CNOT6L: variants seen among roughly 807,000 people sequenced by gnomAD.
The protein encoded by CNOT6L is CCR4-NOT transcription complex subunit 6 like.
CNOT6L carries 7 observed loss-of-function variants against 64.0 expected under a neutral mutation model. The ratio of observed to expected loss-of-function variants is 0.11; its 90% CI spans 0.06 to 0.21. CNOT6L has a LOEUF of 0.21. Ranked by LOEUF, CNOT6L falls within the 10% of genes least tolerant of loss-of-function variation. The pLI is 1.00. For missense variants in CNOT6L, 245 were observed against 669.0 expected (o/e 0.37, Z 6.99); for synonymous variants, 193 against 243.4 (o/e 0.79, Z 1.93).
At chr4:77,810,645 G>C (rs528259583) in intron 1 of CNOT6L, among the ~76,000 whole-genome samples, 8 of 151,910 alleles carry the variant, frequency 5.3e-5, no homozygotes, top group Non-Finnish European at 8.8e-5. Flanking sequence ...CTTTGCATTT[G>C]GAACATTCAA....
At position 77,718,137 on chromosome 4, in the gene CNOT6L, A is replaced by G. The variant is rs1439229698; in HGVS notation, c.*2294T>C. On this transcript the variant is annotated 3_prime_UTR_variant, in exon 12 of 12. Coordinates refer to ENST00000504123, the MANE Select transcript of CNOT6L (RefSeq NM_144571.3). ...ATATACAATCATAAGTGAACTTTAAATTCCATTTTATACAAACATCTCAAA... is the reference window on the plus strand; with the variant it reads ...ATATACAATCATAAGTGAACTTTAAGTTCCATTTTATACAAACATCTCAAA... 6.6e-6 allele frequency: 1 copy of G among 152,520 alleles called. No homozygotes were observed. Among genetic ancestry groups the G allele is most frequent in the Non-Finnish European group, 1.5e-5 (1 of 68,010 alleles). 9.4% of individuals were successfully genotyped at this position (152,520 alleles called of 1,614,324 possible).
At chr4:77,720,951 A>G (rs1004076824) in intron 11 of CNOT6L, among the ~76,000 whole-genome samples, 4 of 152,228 alleles carry the variant, frequency 2.6e-5, no homozygotes, top group African/African-American at 9.6e-5. Flanking sequence ...GTGAAATCCA[A>G]CATATCAGTA....
In CNOT6L at chr4:77,718,832, A is replaced by C. The variant is rs547751487; in HGVS notation, c.*1599T>G. On this transcript the variant is annotated 3_prime_UTR_variant, in exon 12 of 12. Transcript: ENST00000504123. ...AGATGTCAGGTTTGAAAGAGGAGACAAATTGTGTATATTTAAAACTAATTA... is the reference window on the plus strand; with the variant it reads ...AGATGTCAGGTTTGAAAGAGGAGACCAATTGTGTATATTTAAAACTAATTA... The C allele has an allele frequency of 2.5e-4, 38 of 152,758 alleles. No individual in the cohort carries two copies. The highest frequency in any genetic ancestry group is 8.9e-4 in the African/African-American group (37 of 41,590). 9.5% of individuals were successfully genotyped at this position (152,758 alleles called of 1,614,324 possible).
intron 1 of CNOT6L, among the ~76,000 whole-genome samples, chr4:77,818,195 G>A (rs948466477): frequency 1.3e-4 from 20 of 152,154 alleles, no homozygotes; most frequent in African/African-American, 4.6e-4. Context: ...TGTACAAACG[G>A]CTCAGCTAAA....
At chr4:77,815,507 A>C (rs1374511593) in intron 1 of CNOT6L, among the ~76,000 whole-genome samples, 1 of 152,162 alleles carries the variant, frequency 6.6e-6, no homozygotes, top group Non-Finnish European at 1.5e-5. Flanking sequence ...TGAAGATGGA[A>C]AGCAATTCCT....
intron 5 of CNOT6L, among the ~76,000 whole-genome samples, chr4:77,750,261 T>TTTAA (rs1724709716): frequency 6.6e-6 from 1 of 152,186 alleles, no homozygotes; most frequent in South Asian, 2.1e-4. Context: ...GGACTGTGAT[T>TTTAA]AAAAGTAATG....
intron 8 of CNOT6L, among the ~76,000 whole-genome samples, chr4:77,740,934 C>A (rs1018109560): frequency 3.9e-5 from 6 of 152,168 alleles, no homozygotes; most frequent in African/African-American, 1.4e-4. Context: ...GAACAACAGG[C>A]TATACCTTAT....
At chr4:77,763,040 A>C (rs1726418042) in intron 4 of CNOT6L, among the ~76,000 whole-genome samples, 1 of 152,150 alleles carries the variant, frequency 6.6e-6, no homozygotes, top group African/African-American at 2.4e-5. Context: ...CTAGAAACAG[A>C]ATAGAGCAAT....
At chr4:77,745,660 C>A (rs1033720416) in intron 6 of CNOT6L, among the ~76,000 whole-genome samples, 1 of 152,170 alleles carries the variant, frequency 6.6e-6, no homozygotes, top group African/African-American at 2.4e-5. Context: ...TCCATCTTGG[C>A]TGCCTAGTAG....
chr4:77,792,177 A>C (rs756577647), intron 1 of CNOT6L, among the ~76,000 whole-genome samples: 1 of 152,206 alleles, frequency 6.6e-6, no homozygotes, highest in Non-Finnish European at 1.5e-5. Flanking sequence ...TTAGTAAGTA[A>C]GCTATGTCTC....
Position 77,818,863 on chromosome 4 carries a change from G to T in CNOT6L, c.5+441C>A, listed in dbSNP as rs967956554. On this transcript the variant is annotated intron_variant, in intron 1 of 11. Coordinates refer to ENST00000504123, the MANE Select transcript of CNOT6L (RefSeq NM_144571.3). ...TTCCTGCCGCGGCCGGGGAACGGCG[G>T]CCCCGGGATCAGCGGCGCGGCACCG... 3.0e-4 allele frequency: 83 copies of T among 274,052 alleles called. 2 individuals are homozygous for T. The highest frequency in any genetic ancestry group is 2.5e-3 in the South Asian group (64 of 25,260). The allele number at this position is 274,052 out of a possible 1,614,324, so 17.0% of individuals were successfully genotyped here.
At chr4:77,760,131 G>T (rs1036292355) in intron 4 of CNOT6L, among the ~76,000 whole-genome samples, 1 of 152,102 alleles carries the variant, frequency 6.6e-6, no homozygotes, top group Non-Finnish European at 1.5e-5. Flanking sequence ...CCAGTGCTTT[G>T]GGAGGCCAAA....
At chr4:77,812,491 G>GGATAC (rs1053220357) in intron 1 of CNOT6L, among the ~76,000 whole-genome samples, 1 of 150,074 alleles carries the variant, frequency 6.7e-6, no homozygotes, top group African/African-American at 2.5e-5. Context: ...CAAGGTTGGA[G>GGATAC]GATACGAGAT....
chr4:77,733,273 T>C (rs972834940), intron 8 of CNOT6L, among the ~76,000 whole-genome samples: 1 of 152,108 alleles, frequency 6.6e-6, no homozygotes. Flanking sequence ...TTGTATTTTG[T>C]TTTGGTTACA....
intron 1 of CNOT6L, among the ~76,000 whole-genome samples, chr4:77,781,259 G>A (rs753227056): frequency 7.2e-5 from 11 of 152,046 alleles, no homozygotes; most frequent in Non-Finnish European, 1.5e-4. Context: ...ATGACGGGTT[G>A]ATAGGTGCAA....
At chr4:77,810,826 CT>C (rs761207918) in intron 1 of CNOT6L, among the ~76,000 whole-genome samples, 224 of 152,266 alleles carry the variant, frequency 1.5e-3, no homozygotes, top group Admixed American at 5.6e-3. Flanking sequence ...CTAGAATCCT[CT>C]TTTCTACTTT....
intron 10 of CNOT6L, among the ~76,000 whole-genome samples, chr4:77,727,648 A>G (rs973285989): frequency 6.6e-6 from 1 of 151,694 alleles, no homozygotes; most frequent in African/African-American, 2.4e-5. Flanking sequence ...TAGCAAAATC[A>G]GGATCCAACC....
chr4:77,724,639 CAAAAAAAAA>C (rs58504681), intron 11 of CNOT6L, among the ~76,000 whole-genome samples: 2 of 64,058 alleles, frequency 3.1e-5, no homozygotes, highest in African/African-American at 1.1e-4. Flanking sequence ...GACCCTATCT[CAAAAAAAAA>C]AAAAAAAAAG....
At chr4:77,763,299 G>T (rs139805733) in intron 4 of CNOT6L, among the ~76,000 whole-genome samples, 105 of 152,042 alleles carry the variant, frequency 6.9e-4, no homozygotes, top group African/African-American at 2.2e-3. Flanking sequence ...CACACAAAAG[G>T]TTGAAAGTAA....
Sources: gnomAD v4.1 joint callset for allele counts (sites outside exome capture counted in the v4.1 genomes callset) on GRCh38, gnomAD v4.1.1 for gene constraint, MANE v1.5 for transcripts, NCBI Gene and HGNC (gene_info 2026-07-23, HGNC 2026-07-21) for gene names.